CPPED1: variants seen among roughly 807,000 people sequenced by gnomAD.
CPPED1 encodes the protein serine/threonine-protein phosphatase CPPED1.
CPPED1 carries 28 observed loss-of-function variants against 28.0 expected under a neutral mutation model. The ratio of observed to expected loss-of-function variants is 1.00; its 90% CI spans 0.74 to 1.37. CPPED1 has a LOEUF of 1.37. Ranked by LOEUF, CPPED1 falls within the 40% of genes most tolerant of loss-of-function variation. CPPED1 has a pLI of 0.00. For synonymous variants in CPPED1, 198 were observed against 180.2 expected (o/e 1.10, Z -0.79); for missense variants, 504 against 416.5 (o/e 1.21, Z -1.83).
intron 3 of CPPED1, among the ~76,000 whole-genome samples, chr16:12,671,986 T>A (rs2079855020): frequency 6.6e-6 from 1 of 152,234 alleles, no homozygotes; most frequent in Non-Finnish European, 1.5e-5. Flanking sequence ...ATACAAATCC[T>A]TACCATTGTG....
intron 3 of CPPED1, among the ~76,000 whole-genome samples, chr16:12,692,447 T>C (rs1446004599): frequency 6.6e-6 from 1 of 152,144 alleles, no homozygotes; most frequent in Non-Finnish European, 1.5e-5. Flanking sequence ...ATGATAAGAA[T>C]AGAGGTTCGC....
chr16:12,753,259 G>A (rs981582674), intron 2 of CPPED1: 9 of 152,048 alleles, frequency 5.9e-5, no homozygotes, highest in African/African-American at 1.2e-4. Context: ...TCCTGGCCTC[G>A]GGAGACGTCT....
At chr16:12,712,798 A>G (rs2080086939) in intron 2 of CPPED1, among the ~76,000 whole-genome samples, 1 of 152,220 alleles carries the variant, frequency 6.6e-6, no homozygotes, top group Non-Finnish European at 1.5e-5. Flanking sequence ...CTAGAAAAAC[A>G]TGGCAAAACT....
At chr16:12,730,579 T>A (rs934991129) in intron 2 of CPPED1, among the ~76,000 whole-genome samples, 2 of 152,198 alleles carry the variant, frequency 1.3e-5, no homozygotes, top group African/African-American at 4.8e-5. Context: ...TAATTTGTGA[T>A]CTGTTCATTA....
intron 2 of CPPED1, among the ~76,000 whole-genome samples, chr16:12,731,776 T>C (rs1488289748): frequency 1.3e-5 from 2 of 150,796 alleles, no homozygotes; most frequent in East Asian, 1.9e-4. Context: ...CCAAGGACCA[T>C]TAGATGTATG....
chr16:12,799,923 C>T (rs373202218), intron 1 of CPPED1, among the ~76,000 whole-genome samples: 1 of 152,184 alleles, frequency 6.6e-6, no homozygotes, highest in East Asian at 1.9e-4. Context: ...GAGTCACTCT[C>T]TCCTCCTATC....
chr16:12,744,574 G>A (rs1174126331), intron 2 of CPPED1, among the ~76,000 whole-genome samples: 3 of 152,104 alleles, frequency 2.0e-5, no homozygotes, highest in Non-Finnish European at 4.4e-5. Flanking sequence ...TACAGGCGTC[G>A]GACTGCAGGA....
chr16:12,709,345 G>A lies in CPPED1; in HGVS notation c.290-4296C>T, dbSNP rs2080068027. On this transcript the variant is annotated intron_variant, in intron 2 of 3. Transcript: ENST00000381774. The surrounding 1 kb of genome is among the most constrained non-coding windows in gnomAD (Gnocchi z 4.4). Reference sequence around the variant, plus strand: ...TCTGGGGTCTCCAAGGTGGATAAGAGGTATCTGCTGAGAAGTGGGTGCCAA... The same window carrying A: ...TCTGGGGTCTCCAAGGTGGATAAGAAGTATCTGCTGAGAAGTGGGTGCCAA... Among the ~76,000 whole-genome samples the A allele has an allele frequency of 6.6e-6, 1 of 152,184 alleles. No homozygotes were observed. The highest frequency in any genetic ancestry group is 1.5e-5 in the Non-Finnish European group (1 of 68,032).
At chr16:12,691,800 T>C (rs866998120) in intron 3 of CPPED1, among the ~76,000 whole-genome samples, 47 of 67,698 alleles carry the variant, frequency 6.9e-4, no homozygotes, top group African/African-American at 3.7e-3. Flanking sequence ...CATCACACGC[T>C]GGGGACTGTT....
chr16:12,736,366 G>A (rs113845009), intron 2 of CPPED1, among the ~76,000 whole-genome samples: 163 of 151,776 alleles, frequency 1.1e-3, no homozygotes, highest in African/African-American at 3.7e-3. Flanking sequence ...ATACCTCCCG[G>A]GTAGCTAAGA....
Position 12,704,730 on chromosome 16 carries a change from G to T in CPPED1, c.609C>A (p.Phe203Leu). ...RQRHCQHAIV[F>L]QHIPLFLESI... ...TCTCCAGGAACAGCGGGATGTGCTG[G>T]AAGACGATGGCATGCTGGCAGTGCC... Residue 203 changes from phenylalanine (F) to leucine (L), a missense_variant, in exon 3 of 4, where the codon TTC becomes TTA. Transcript: ENST00000381774. 6.2e-7 allele frequency: 1 copy of T among 1,614,214 alleles called. No homozygotes were observed. Among genetic ancestry groups the T allele is most frequent in the Non-Finnish European group, 8.5e-7 (1 of 1,180,034 alleles).
Position 12,803,844 on chromosome 16 carries a change from C to G in CPPED1, c.-68G>C. ...GGAAGCCGCGCGACTTCACACAGAA[C>G]AACCGCTGGACCTGTCCCGCTTTGG... On this transcript the variant is annotated 5_prime_UTR_variant, in exon 1 of 4. Coordinates refer to ENST00000381774, the MANE Select transcript of CPPED1 (RefSeq NM_018340.3). 3 of 1,461,094 alleles carry G rather than the reference C, an allele frequency of 2.1e-6. No homozygotes were observed. Among genetic ancestry groups the G allele is most frequent in the Non-Finnish European group, 2.8e-6 (3 of 1,076,488 alleles). The allele number at this position is 1,461,094 out of a possible 1,614,324, so 90.5% of individuals were successfully genotyped here. A position where few individuals can be genotyped will look rare whatever the true frequency, so the allele number is the denominator to read the frequency against.
intron 3 of CPPED1, among the ~76,000 whole-genome samples, chr16:12,679,071 A>G (rs958776086): frequency 8.5e-5 from 13 of 152,210 alleles, no homozygotes; most frequent in Non-Finnish European, 1.6e-4. Flanking sequence ...TTGATCAGTG[A>G]AAGCTCATTC....
chr16:12,706,268 A>G (rs751583144), intron 2 of CPPED1, among the ~76,000 whole-genome samples: 13 of 151,960 alleles, frequency 8.6e-5, no homozygotes, highest in Admixed American at 2.6e-4. Context: ...CCAAGATTCA[A>G]AGAAAACTGT....
intron 1 of CPPED1, among the ~76,000 whole-genome samples, chr16:12,786,702 C>T (rs1288585505): frequency 2.0e-5 from 3 of 152,088 alleles, no homozygotes; most frequent in Admixed American, 6.6e-5. Flanking sequence ...GGGTGGATCA[C>T]GAGGTCAAAA....
chr16:12,735,232 G>A (rs1159550601), intron 2 of CPPED1, among the ~76,000 whole-genome samples: 1 of 152,118 alleles, frequency 6.6e-6, no homozygotes, highest in African/African-American at 2.4e-5. Context: ...AAAGAGAATG[G>A]GATGAGTAGA....
At chr16:12,701,571 G>A (rs972765803) in intron 3 of CPPED1, among the ~76,000 whole-genome samples, 2 of 152,114 alleles carry the variant, frequency 1.3e-5, no homozygotes, top group African/African-American at 2.4e-5. Context: ...CTAGGCAGGT[G>A]AACCAGAAGA....
intron 2 of CPPED1, among the ~76,000 whole-genome samples, chr16:12,720,022 T>C (rs543396498): frequency 1.2e-4 from 18 of 152,076 alleles, no homozygotes; most frequent in South Asian, 2.1e-4. Flanking sequence ...CACACACACA[T>C]ACACACACAC....
intron 3 of CPPED1, among the ~76,000 whole-genome samples, chr16:12,675,021 C>T (rs1053301981): frequency 2.6e-5 from 4 of 152,172 alleles, no homozygotes; most frequent in South Asian, 2.1e-4. Flanking sequence ...AGCCTCTCTC[C>T]GAGTTATAAT....
Sources: gnomAD v4.1 joint callset for allele counts (sites outside exome capture counted in the v4.1 genomes callset) on GRCh38, gnomAD v4.1.1 for gene constraint, Gnocchi (gnomAD v3.1) non-coding constraint, MANE v1.5 for transcripts, NCBI Gene and HGNC (gene_info 2026-07-23, HGNC 2026-07-21) for gene names.